LDLRAD3: variants seen among roughly 807,000 people sequenced by gnomAD.
The protein encoded by LDLRAD3 is low-density lipoprotein receptor class A domain-containing protein 3.
In LDLRAD3, 20 loss-of-function variants were observed where a neutral mutation model predicts 29.4. The ratio of observed to expected loss-of-function variants is 0.68; its 90% CI spans 0.48 to 0.99. The LOEUF (loss-of-function observed/expected upper bound fraction) is 0.99, where lower values mean the gene tolerates loss of function less well. Ranked by LOEUF, LDLRAD3 falls within the 50% of genes least tolerant of loss-of-function variation. LDLRAD3 has a pLI of 0.00. For missense variants in LDLRAD3, 420 were observed against 454.3 expected (o/e 0.92, Z 0.69); for synonymous variants, 157 against 192.7 (o/e 0.81, Z 1.53).
chr11:36,098,356 C>T lies in LDLRAD3; in HGVS notation c.349C>T (p.Arg117Cys), dbSNP rs749967264. ...AAACCCTCTGCTTTGCTCCACCGCC[C>T]GCTACCACTGCAAGAACGGCCTCTG... Reference protein sequence around the residue: ...TANPLLCSTARYHCKNGLCID... With the variant: ...TANPLLCSTACYHCKNGLCID... The change falls in exon 4 of 6, where the codon CGC becomes TGC. Residue 117 changes from arginine to cysteine, a missense_variant. This residue lies in a region of LDLRAD3 where 224 missense variants were observed against 222.2 expected (regional missense o/e 1.01). Transcript: ENST00000315571. 79 of 1,614,052 alleles carry T rather than the reference C, an allele frequency of 4.9e-5. No homozygotes were observed. The Admixed American group carries it at 5.8e-4, about 12-fold the overall frequency.
At chr11:36,015,478 C>T (rs954809541) in intron 1 of LDLRAD3, among the ~76,000 whole-genome samples, 22 of 152,030 alleles carry the variant, frequency 1.4e-4, no homozygotes, top group African/African-American at 4.8e-4. Flanking sequence ...ATGTTTTTTA[C>T]TTTTTATTTA....
chr11:36,147,558 A>G (rs1038800450), intron 4 of LDLRAD3, among the ~76,000 whole-genome samples: 1 of 152,256 alleles, frequency 6.6e-6, no homozygotes, highest in Admixed American at 6.5e-5. Flanking sequence ...CACAGGCACC[A>G]GGGGTTAGAA....
intron 4 of LDLRAD3, among the ~76,000 whole-genome samples, chr11:36,158,274 A>G (rs1010845098): frequency 6.6e-6 from 1 of 152,108 alleles, no homozygotes; most frequent in African/African-American, 2.4e-5. Context: ...TTTGAGTTTC[A>G]TTGAATTTTA....
At chr11:36,100,146 G>T (rs1377027110) in intron 4 of LDLRAD3, among the ~76,000 whole-genome samples, 1 of 152,090 alleles carries the variant, frequency 6.6e-6, no homozygotes. Context: ...CCAGCCATCG[G>T]CGTTTTACTT....
At chr11:36,159,327 G>A (rs1240100215) in intron 4 of LDLRAD3, among the ~76,000 whole-genome samples, 2 of 151,562 alleles carry the variant, frequency 1.3e-5, no homozygotes, top group South Asian at 2.1e-4. Context: ...AAACTTGCTG[G>A]GTATGGTGGT....
chr11:36,104,871 G>C (rs572985810), intron 4 of LDLRAD3, among the ~76,000 whole-genome samples: 30 of 152,202 alleles, frequency 2.0e-4, no homozygotes, highest in African/African-American at 6.5e-4. Flanking sequence ...ACTTTCAGGC[G>C]GTCAGTCCTA....
chr11:35,986,675 C>A (rs1216821322), intron 1 of LDLRAD3, among the ~76,000 whole-genome samples: 1 of 152,204 alleles, frequency 6.6e-6, no homozygotes, highest in Non-Finnish European at 1.5e-5. Context: ...GAAGAGATTG[C>A]AGGACCTGTT....
intron 1 of LDLRAD3, among the ~76,000 whole-genome samples, chr11:35,971,661 C>T (rs547374431): frequency 2.1e-4 from 32 of 152,268 alleles, no homozygotes; most frequent in African/African-American, 6.7e-4. Context: ...TCAAGCCCCT[C>T]GGTCAGTGGC....
chr11:36,112,229 C>T (rs1466026353), intron 4 of LDLRAD3, among the ~76,000 whole-genome samples: 1 of 152,138 alleles, frequency 6.6e-6, no homozygotes, highest in African/African-American at 2.4e-5. Flanking sequence ...ACCTCTGCTA[C>T]TCTGAAACCC....
chr11:36,049,620 A>T (rs914781645), intron 2 of LDLRAD3, among the ~76,000 whole-genome samples: 1 of 152,228 alleles, frequency 6.6e-6, no homozygotes, highest in Non-Finnish European at 1.5e-5. Flanking sequence ...GAGGAGTCAC[A>T]TAAAATGTAG....
intron 1 of LDLRAD3, among the ~76,000 whole-genome samples, chr11:35,959,400 A>G (rs1226634015): frequency 8.5e-5 from 13 of 152,264 alleles, no homozygotes; most frequent in Non-Finnish European, 1.8e-4. Context: ...CTTAACACAC[A>G]GTATTGCAGT....
intron 4 of LDLRAD3, among the ~76,000 whole-genome samples, chr11:36,170,186 A>G (rs1590327834): frequency 6.6e-6 from 1 of 151,824 alleles, no homozygotes; most frequent in Admixed American, 6.6e-5. Flanking sequence ...AGGTTGTTGC[A>G]TATGCCATTA....
intron 2 of LDLRAD3, among the ~76,000 whole-genome samples, chr11:36,069,027 G>T (rs950674601): frequency 1.3e-5 from 2 of 152,174 alleles, no homozygotes; most frequent in African/African-American, 2.4e-5. Flanking sequence ...CAGTGTGTAC[G>T]TCTGAAACAG....
intron 4 of LDLRAD3, among the ~76,000 whole-genome samples, chr11:36,155,544 CTG>C (rs1854335977): frequency 6.6e-6 from 1 of 152,210 alleles, no homozygotes; most frequent in African/African-American, 2.4e-5. Context: ...TATTTCCCAG[CTG>C]TGTGACCTTG....
intron 2 of LDLRAD3, among the ~76,000 whole-genome samples, chr11:36,055,695 G>T (rs956808905): frequency 5.9e-5 from 9 of 152,216 alleles, no homozygotes; most frequent in Non-Finnish European, 1.3e-4. Flanking sequence ...TTCCTAGTTA[G>T]TATACTTTGG....
chr11:36,007,358 A>G (rs1851897990), intron 1 of LDLRAD3, among the ~76,000 whole-genome samples: 2 of 152,298 alleles, frequency 1.3e-5, no homozygotes, highest in Middle Eastern at 3.4e-3. Flanking sequence ...CTGCTTTGCA[A>G]TTATATCTAC....
chr11:36,167,804 G>A (rs968588812), intron 4 of LDLRAD3, among the ~76,000 whole-genome samples: 68 of 152,148 alleles, frequency 4.5e-4, no homozygotes, highest in African/African-American at 1.6e-3. Context: ...AAGCTAGCAC[G>A]GTATCTAAGA....
intron 4 of LDLRAD3, among the ~76,000 whole-genome samples, chr11:36,109,359 G>A (rs1175914335): frequency 1.3e-5 from 2 of 151,868 alleles, no homozygotes; most frequent in African/African-American, 4.8e-5. Flanking sequence ...GATAAGACAC[G>A]TGAAGGTGGG....
At chr11:36,049,345 G>A (rs1001011073) in intron 2 of LDLRAD3, among the ~76,000 whole-genome samples, 4 of 151,122 alleles carry the variant, frequency 2.6e-5, no homozygotes, top group African/African-American at 9.7e-5. Flanking sequence ...TTGCCAGATC[G>A]CTTTTTAAAA....
Sources: gnomAD v4.1 joint callset for allele counts (sites outside exome capture counted in the v4.1 genomes callset) on GRCh38, gnomAD v4.1.1 for gene constraint, gnomAD v4.1.1 regional missense constraint, MANE v1.5 for transcripts, NCBI Gene and HGNC (gene_info 2026-07-23, HGNC 2026-07-21) for gene names.